AGTPBP1: variants seen among roughly 807,000 people sequenced by gnomAD.
The protein encoded by AGTPBP1 is ATP/GTP binding carboxypeptidase 1.
A neutral mutation model predicts 143.9 loss-of-function variants in AGTPBP1; 70 were observed. The observed-to-expected ratio is 0.49, with a 90% confidence interval of 0.40 to 0.59. The LOEUF (loss-of-function observed/expected upper bound fraction) is 0.59, where lower values mean the gene tolerates loss of function less well. AGTPBP1 is among the 20% of genes least tolerant of loss of function. The pLI is 0.00. For synonymous variants in AGTPBP1, 463 were observed against 500.2 expected, an observed-to-expected ratio of 0.93 and a Z score of 0.99; for missense variants, 1,229 against 1,464.5, an observed-to-expected ratio of 0.84 and a Z score of 2.62.
chr9:85,643,146 T>C, intron 12 of AGTPBP1: 1 of 527,838 alleles, frequency 1.9e-6, no homozygotes, highest in Non-Finnish European at 3.3e-6. Context: ...TAGTTTTGTT[T>C]TGTTTTTGTC....
the AGTPBP1 span, chr9:85,765,006 TA>T: frequency 1.5e-6 from 1 of 659,134 alleles, no homozygotes; most frequent in African/African-American, 1.8e-5. Flanking sequence ...CACATAATCA[TA>T]AATATTATCT....
intron 11 of AGTPBP1, among the ~76,000 whole-genome samples, chr9:85,647,507 G>A (rs758157611): frequency 2.6e-5 from 4 of 151,800 alleles, no homozygotes; most frequent in Non-Finnish European, 5.9e-5. Context: ...GAGGAATGAG[G>A]TGGCTCATGA....
intron 1 of AGTPBP1, among the ~76,000 whole-genome samples, chr9:85,727,491 T>C (rs982894877): frequency 1.4e-4 from 22 of 152,336 alleles, no homozygotes; most frequent in Admixed American, 6.5e-4. Context: ...TTTAAAGAAC[T>C]GTGTAAAAAC....
the AGTPBP1 span, among the ~76,000 whole-genome samples, chr9:85,785,192 G>C: frequency 6.6e-5 from 10 of 152,206 alleles, no homozygotes; most frequent in South Asian, 2.1e-3. Flanking sequence ...AAATTAGCCG[G>C]GCGTGGTGGC....
intron 19 of AGTPBP1, among the ~76,000 whole-genome samples, chr9:85,590,738 G>A (rs1278372199): frequency 1.3e-5 from 2 of 152,144 alleles, no homozygotes; most frequent in East Asian, 1.9e-4. Flanking sequence ...TCCAAAGGAT[G>A]AGTCAAGAGA....
chr9:85,741,690 G>A (rs1824301028), intron 1 of AGTPBP1, 85 bp downstream of exon 1: 4 of 1,260,548 alleles, frequency 3.2e-6, no homozygotes, highest in Non-Finnish European at 4.0e-6. Context: ...TCCTACCCCC[G>A]GGCGCCGTCG....
chr9:85,804,012 G>C, the AGTPBP1 span, among the ~76,000 whole-genome samples: 3 of 151,858 alleles, frequency 2.0e-5, no homozygotes, highest in Non-Finnish European at 4.4e-5. Context: ...AATTCCCCTG[G>C]CTGTCCCTTT....
the AGTPBP1 span, among the ~76,000 whole-genome samples, chr9:85,786,904 G>A: frequency 6.6e-6 from 1 of 152,098 alleles, no homozygotes; most frequent in Non-Finnish European, 1.5e-5. Context: ...TATCAAGTAT[G>A]TATTACTATA....
At position 85,692,765 on chromosome 9, in the gene AGTPBP1, C is replaced by G; in HGVS notation, c.81G>C (p.Lys27Asn). The change falls in exon 3 of 26, where the codon AAG becomes AAC. Residue 27 changes from lysine to asparagine, a missense_variant. Lys to Asn is a moderately conservative substitution (Grantham distance 94). Transcript: ENST00000357081. ...CTGATTCTGAAGGCTCAGCATTGAT[C>G]TTCTCCAGTTGAGCCAGGAGTCCTA... ...RIVGLLAQLE[K>N]INAEPSESDT... 1 of 1,613,964 alleles carries G rather than the reference C, an allele frequency of 6.2e-7. No individual in the cohort carries two copies. The highest frequency in any genetic ancestry group is 8.5e-7 in the Non-Finnish European group (1 of 1,179,900).
chr9:85,695,367 C>T (rs2134300158), intron 2 of AGTPBP1, among the ~76,000 whole-genome samples: 2 of 152,148 alleles, frequency 1.3e-5, no homozygotes, highest in Middle Eastern at 6.8e-3. Context: ...TAAAACTGAG[C>T]TTTAAAAAAA....
chr9:85,626,064 T>C lies in AGTPBP1; in HGVS notation c.2016-4779A>G, dbSNP rs374160239. 3.3e-3 allele frequency among the ~76,000 whole-genome samples: 501 copies of C among 152,096 alleles called. 3 individuals are homozygous for C. Among genetic ancestry groups the C allele is most frequent in the African/African-American group, 0.012 (482 of 41,510 alleles). ...AAACAAAAAAATGCACCAAAAATGCTAAGCATACTAAAATAAGAGATAAAT... is the reference window on the plus strand; with the variant it reads ...AAACAAAAAAATGCACCAAAAATGCCAAGCATACTAAAATAAGAGATAAAT... On this transcript the variant is annotated intron_variant, in intron 14 of 25. Transcript: ENST00000357081.
chr9:85,671,847 T>C (rs1048573626), intron 7 of AGTPBP1, among the ~76,000 whole-genome samples: 4 of 152,330 alleles, frequency 2.6e-5, no homozygotes, highest in Non-Finnish European at 5.9e-5. Flanking sequence ...TCCCTATTGA[T>C]TGCTGAAGAG....
intron 1 of AGTPBP1, among the ~76,000 whole-genome samples, chr9:85,728,064 CACACACA>C (rs1564189931): frequency 6.7e-6 from 1 of 148,818 alleles, no homozygotes; most frequent in African/African-American, 2.6e-5. Flanking sequence ...CACACACACA[CACACACA>C]CACACATATT....
chr9:85,630,492 T>C (rs961210354), intron 14 of AGTPBP1, among the ~76,000 whole-genome samples: 16 of 141,674 alleles, frequency 1.1e-4, no homozygotes, highest in African/African-American at 3.3e-4. Flanking sequence ...GATTGATTGA[T>C]TGATTGAGAC....
chr9:85,682,388 T>A (rs1188627913), intron 3 of AGTPBP1, among the ~76,000 whole-genome samples: 2 of 151,992 alleles, frequency 1.3e-5, no homozygotes, highest in Non-Finnish European at 1.5e-5. Flanking sequence ...ACTCTTTTCA[T>A]GGATCTAAAG....
At chr9:85,761,188 G>T in the AGTPBP1 span, among the ~76,000 whole-genome samples, 1 of 152,074 alleles carries the variant, frequency 6.6e-6, no homozygotes, top group Non-Finnish European at 1.5e-5. Flanking sequence ...TGTGAAAATG[G>T]CCATACTGCC....
At chr9:85,552,429 T>C (rs1826087912) in intron 25 of AGTPBP1, among the ~76,000 whole-genome samples, 1 of 152,190 alleles carries the variant, frequency 6.6e-6, no homozygotes, top group Non-Finnish European at 1.5e-5. Flanking sequence ...TGATTTGCCA[T>C]CCAAGACACC....
intron 23 of AGTPBP1, among the ~76,000 whole-genome samples, chr9:85,581,569 T>C (rs1348217712): frequency 6.6e-6 from 1 of 152,218 alleles, no homozygotes; most frequent in Non-Finnish European, 1.5e-5. Context: ...TAATGCCTAC[T>C]AAGAATCAGG....
the AGTPBP1 span, among the ~76,000 whole-genome samples, chr9:85,797,962 C>A: frequency 9.9e-5 from 15 of 152,062 alleles, no homozygotes; most frequent in African/African-American, 2.4e-4. Flanking sequence ...GCATAATCTC[C>A]GCTCACTGCA....
Sources: gnomAD v4.1 joint callset for allele counts (sites outside exome capture counted in the v4.1 genomes callset) on GRCh38, gnomAD v4.1.1 for gene constraint, MANE v1.5 for transcripts, NCBI Gene and HGNC (gene_info 2026-07-23, HGNC 2026-07-21) for gene names.